Variants in CSE1L observed in about 807,000 individuals in gnomAD.
The protein encoded by CSE1L is chromosome segregation 1 like, also known as exportin-2.
A neutral mutation model predicts 120.4 loss-of-function variants in CSE1L; 24 were observed. That is an observed-to-expected ratio of 0.20 (90% CI 0.14 to 0.28). The LOEUF (loss-of-function observed/expected upper bound fraction) is 0.28, where lower values mean the gene tolerates loss of function less well. Ranked by LOEUF, CSE1L falls within the 10% of genes least tolerant of loss-of-function variation. The pLI is 1.00. For synonymous variants in CSE1L, 402 were observed against 398.3 expected (o/e 1.01, Z -0.11); for missense variants, 830 against 1,145.2 (o/e 0.72, Z 3.97).
At chr20:49,081,323 G>A (rs1029070236) in intron 14 of CSE1L, among the ~76,000 whole-genome samples, 2 of 152,000 alleles carry the variant, frequency 1.3e-5, no homozygotes, top group South Asian at 2.1e-4. Context: ...TCGTTCTGTC[G>A]CCCAGGCTGG....
Position 49,094,167 on chromosome 20 carries a change from T to A in CSE1L, c.2475T>A (p.Ile825=). The A allele has an allele frequency of 6.3e-7, 1 of 1,583,084 alleles. No homozygotes were observed. Among genetic ancestry groups the A allele is most frequent in the South Asian group, 1.1e-5 (1 of 88,012 alleles). The change falls in exon 23 of 25, where the codon ATT becomes ATA. Residue 825 remains isoleucine, a synonymous_variant. Coordinates refer to ENST00000262982, the MANE Select transcript of CSE1L (RefSeq NM_001316.4). ...PKMFGMVLEK[I]IIPEIQKVSG... ...TGTTTGGAATGGTTTTGGAAAAAAT[T>A]ATTATTCCTGAAATTCAGAAGGTAT...
At chr20:49,072,790 A>G in intron 10 of CSE1L, 93 bp downstream of exon 10, 1 of 1,195,316 alleles carries the variant, frequency 8.4e-7, no homozygotes, top group Non-Finnish European at 1.1e-6. Context: ...TACTGGATAA[A>G]ACTTGTATGT....
chr20:49,053,172 A>T (rs1301388350), intron 1 of CSE1L, among the ~76,000 whole-genome samples: 15 of 101,056 alleles, frequency 1.5e-4, no homozygotes, highest in African/African-American at 4.4e-4. Flanking sequence ...TTTTTTTTTT[A>T]AAGACAAAAT....
chr20:49,075,748 C>G (rs754830207), intron 12 of CSE1L, among the ~76,000 whole-genome samples: 4 of 152,120 alleles, frequency 2.6e-5, no homozygotes, highest in Non-Finnish European at 5.9e-5. Flanking sequence ...TAGCTGAGAC[C>G]CGCTGTATCA....
At chr20:49,074,707 A>T (rs2091957725) in intron 10 of CSE1L, 78 bp from the exon 11 acceptor site, 1 of 1,206,246 alleles carries the variant, frequency 8.3e-7, no homozygotes, top group East Asian at 2.4e-5. Context: ...GCAGTTTTAC[A>T]TACTCTTCTG....
At chr20:49,092,498 T>C (rs1402608053) in intron 22 of CSE1L, among the ~76,000 whole-genome samples, 1 of 151,712 alleles carries the variant, frequency 6.6e-6, no homozygotes, top group Non-Finnish European at 1.5e-5. Flanking sequence ...CAGCCAGTGT[T>C]CTATATTATG....
At chr20:49,094,424 G>C in intron 23 of CSE1L, 138 bp downstream of exon 23, 1 of 855,222 alleles carries the variant, frequency 1.2e-6, no homozygotes, top group Non-Finnish European at 1.9e-6. Context: ...TCCAAGACAT[G>C]ATTTCTGGAT....
intron 13 of CSE1L, among the ~76,000 whole-genome samples, chr20:49,078,245 G>A (rs1018700209): frequency 6.6e-6 from 1 of 152,112 alleles, no homozygotes; most frequent in South Asian, 2.1e-4. Flanking sequence ...GCAAATTCCA[G>A]CTAGAGAGAC....
At chr20:49,046,950 C>A (rs79792569) in intron 1 of CSE1L, among the ~76,000 whole-genome samples, 4,770 of 152,338 alleles carry the variant, frequency 0.031, 117 homozygotes, top group Non-Finnish European at 0.048. Flanking sequence ...CCGAACTCAC[C>A]CTTCTCTAAC....
intron 1 of CSE1L, among the ~76,000 whole-genome samples, chr20:49,054,026 A>T (rs1182658096): frequency 6.6e-6 from 1 of 152,198 alleles, no homozygotes; most frequent in South Asian, 2.1e-4. Flanking sequence ...TGAATCTCCA[A>T]AGTGGGGCAG....
intron 1 of CSE1L, among the ~76,000 whole-genome samples, chr20:49,051,810 G>T (rs909792387): frequency 6.6e-6 from 1 of 152,136 alleles, no homozygotes; most frequent in African/African-American, 2.4e-5. Context: ...CAGTCCTTCT[G>T]CCTCAGCCTC....
At chr20:49,096,241 T>G in intron 24 of CSE1L, 108 bp from the exon 25 acceptor site, 2 of 867,810 alleles carry the variant, frequency 2.3e-6, no homozygotes, top group Non-Finnish European at 3.9e-6. Context: ...ATTAATGACT[T>G]GACTGGCTGC....
In CSE1L at chr20:49,068,967, G is replaced by C. The variant is rs8120303; in HGVS notation, c.675+145G>C. 2.2e-3 allele frequency: 1,321 copies of C among 609,622 alleles called. 19 individuals are homozygous for C. In the African/African-American group the frequency reaches 0.022, roughly 10 times the overall value. 37.8% of individuals were successfully genotyped at this position (609,622 alleles called of 1,614,324 possible). ...TGACTCTATTTATCTATAGTGTTCT[G>C]TTCTACAGTAGTTCTTTCAGATGCT... On this transcript the variant is annotated intron_variant, in intron 7 of 24. Coordinates refer to ENST00000262982, the MANE Select transcript of CSE1L (RefSeq NM_001316.4).
intron 22 of CSE1L, among the ~76,000 whole-genome samples, chr20:49,093,564 C>CTT (rs11477256): frequency 4.7e-4 from 55 of 117,544 alleles, no homozygotes; most frequent in Non-Finnish European, 6.2e-4. Context: ...GCTCCTCTCT[C>CTT]TTTTTTTTTT....
At chr20:49,069,840 T>A (rs2123702912) in intron 7 of CSE1L, among the ~76,000 whole-genome samples, 1 of 152,350 alleles carries the variant, frequency 6.6e-6, no homozygotes, top group East Asian at 1.9e-4. Context: ...ACAATTAGTT[T>A]ATCTGCCTTG....
At chr20:49,069,130 C>T (rs1420150825) in intron 7 of CSE1L, among the ~76,000 whole-genome samples, 1 of 152,076 alleles carries the variant, frequency 6.6e-6, no homozygotes, top group East Asian at 1.9e-4. Context: ...TTTCTGAGGC[C>T]TTCCTCTTTC....
At chr20:49,052,109 T>C (rs2091770399) in intron 1 of CSE1L, among the ~76,000 whole-genome samples, 1 of 152,230 alleles carries the variant, frequency 6.6e-6, no homozygotes. Context: ...GTTCCCACAT[T>C]ATGTTGGGGC....
chr20:49,049,505 T>G (rs2091749125), intron 1 of CSE1L, among the ~76,000 whole-genome samples: 1 of 152,154 alleles, frequency 6.6e-6, no homozygotes, highest in African/African-American at 2.4e-5. Context: ...GTTTCTAGTT[T>G]GAGTCATTTT....
At chr20:49,052,134 C>T (rs2091770673) in intron 1 of CSE1L, among the ~76,000 whole-genome samples, 1 of 152,168 alleles carries the variant, frequency 6.6e-6, no homozygotes, top group African/African-American at 2.4e-5. Flanking sequence ...AATGATTGAT[C>T]TGAAGGGATA....
Sources: gnomAD v4.1 joint callset for allele counts (sites outside exome capture counted in the v4.1 genomes callset) on GRCh38, gnomAD v4.1.1 for gene constraint, MANE v1.5 for transcripts, NCBI Gene and HGNC (gene_info 2026-07-23, HGNC 2026-07-21) for gene names.